The following CHRNB1 variants were observed in gnomAD, a reference collection of about 807,000 sequenced individuals.
CHRNB1 encodes acetylcholine receptor subunit beta.
CHRNB1 carries 47 observed loss-of-function variants against 53.8 expected under a neutral mutation model. The ratio of observed to expected loss-of-function variants is 0.87; its 90% CI spans 0.69 to 1.11. CHRNB1 has a LOEUF of 1.11. CHRNB1 is among the 50% of genes most tolerant of loss of function. The pLI, the probability that CHRNB1 is intolerant of heterozygous loss-of-function variation, is 0.00. For synonymous variants in CHRNB1, 259 were observed against 263.5 expected (o/e 0.98, Z 0.16); for missense variants, 605 against 654.9 (o/e 0.92, Z 0.83).
chr17:7,456,527 G>T (rs1383826647), intron 10 of CHRNB1, 56 bp from the exon 11 acceptor site: 80 of 1,610,000 alleles, frequency 5.0e-5, no homozygotes, highest in Non-Finnish European at 6.6e-5. Context: ...GAAATGGGGG[G>T]GTTTCCCTGG....
chr17:7,447,570 CG>C lies in CHRNB1; in HGVS notation c.532del (p.Glu178ArgfsTer40), dbSNP rs1344023145. 6.2e-7 allele frequency: 1 copy of C among 1,614,150 alleles called. No homozygotes were observed. The highest frequency in any genetic ancestry group is 8.5e-7 in the Non-Finnish European group (1 of 1,180,026). On this transcript the variant is annotated frameshift_variant, in exon 6 of 11. Coordinates refer to ENST00000306071, the MANE Select transcript of CHRNB1 (RefSeq NM_000747.3). LOFTEE classifies it high-confidence loss of function. The stretch of plus-strand genomic sequence containing the variant: ...TTCAGCTCCTACAGCTACGACAGCT[CG>C]GAGGTCAGCCTGCAGACAGGCCTGG... The part of the protein sequence containing the change: ...MVFSSYSYDS[S>X]EVSLQTGLGP...
Position 7,446,850 on chromosome 17 carries a change from G to T in CHRNB1, c.261G>T (p.Arg87Ser). ...TTCACTAGGAGTGGACTGACTACAGGCTGAGCTGGGACCCTGCGGAGCACG... is the reference window on the plus strand; with the variant it reads ...TTCACTAGGAGTGGACTGACTACAGTCTGAGCTGGGACCCTGCGGAGCACG... ...VYLDLEWTDY[R>S]LSWDPAEHDG... The change falls in exon 4 of 11, where the codon AGG becomes AGT. Residue 87 changes from arginine to serine, a missense_variant. Physicochemically the swap from Arg to Ser is moderately radical, Grantham distance 110 (BLOSUM62 -1). Coordinates refer to ENST00000306071, the MANE Select transcript of CHRNB1 (RefSeq NM_000747.3). 7 of 1,613,950 alleles carry T rather than the reference G, an allele frequency of 4.3e-6. No individual in the cohort carries two copies. Among genetic ancestry groups the T allele is most frequent in the Non-Finnish European group, 5.9e-6 (7 of 1,179,998 alleles).
At chr17:7,446,478 C>A in intron 3 of CHRNB1, 1 of 510,546 alleles carries the variant, frequency 2.0e-6, no homozygotes, top group South Asian at 2.1e-5. Context: ...CAGCCGTGAG[C>A]CACTGCACCT....
chr17:7,456,882 G>A lies in CHRNB1; in HGVS notation c.*159G>A, dbSNP rs1219503836. 5 of 930,052 alleles carry A rather than the reference G, an allele frequency of 5.4e-6. No individual in the cohort carries two copies. The highest frequency in any genetic ancestry group is 8.2e-6 in the Non-Finnish European group (5 of 608,924). 57.6% of individuals were successfully genotyped at this position (930,052 alleles called of 1,614,324 possible). On this transcript the variant is annotated 3_prime_UTR_variant, in exon 11 of 11. Transcript: ENST00000306071. ...CATTGGACTGAGGGCTGGGTAGGCA[G>A]GTGTCTTGGACCCACCTGAAATGCA... is the stretch of plus-strand genomic sequence containing the variant.
intron 9 of CHRNB1, 38 bp downstream of exon 9, chr17:7,455,494 G>A (rs755568370): frequency 6.2e-6 from 10 of 1,609,500 alleles, no homozygotes; most frequent in Admixed American, 3.3e-5. Context: ...GAGGGAGAGG[G>A]AGAACTACAG....
Position 7,446,067 on chromosome 17 carries a change from A to C in CHRNB1, c.199-2A>C, listed in dbSNP as rs200648690. The C allele has an allele frequency of 3.1e-6, 5 of 1,613,886 alleles. No homozygotes were observed. Among genetic ancestry groups the C allele is most frequent in the Non-Finnish European group, 2.5e-6 (3 of 1,179,826 alleles). On this transcript the variant is annotated splice_acceptor_variant, in intron 2 of 10. Coordinates refer to ENST00000306071, the MANE Select transcript of CHRNB1 (RefSeq NM_000747.3). LOFTEE classifies it high-confidence loss of function. ...TTTACGCCTTAAATTTTTCCCTTCT[A>C]GAACGAGAAGGATGAAGAGATGAGC...
chr17:7,454,502 G>A lies in CHRNB1; in HGVS notation c.1026G>A (p.Met342Ile), dbSNP rs1909001767. The A allele has an allele frequency of 6.2e-7, 1 of 1,614,016 alleles. No individual in the cohort carries two copies. The highest frequency in any genetic ancestry group is 1.7e-5 in the Admixed American group (1 of 60,008). ...ACCGCTCACCCCACACCCACCAAAT[G>A]CCCCTTTGGGTCCGTCAGGTAAGAA... is the stretch of plus-strand genomic sequence containing the variant. ...LHHRSPHTHQ[M>I]PLWVRQIFIH... Residue 342 changes from methionine to isoleucine, a missense_variant, in exon 8 of 11, where the codon ATG (methionine) becomes ATA (isoleucine). By Grantham distance (10) the Met-to-Ile change is conservative (BLOSUM62 1). Transcript: ENST00000306071.
At position 7,456,813 on chromosome 17, in the gene CHRNB1, C is replaced by A; in HGVS notation, c.*90C>A. ...CCCTATCCTTCTCTGCCTCTTAACTCCTTCACGAGGAATCTGGGCCTCTTA... is the reference window on the plus strand; with the variant it reads ...CCCTATCCTTCTCTGCCTCTTAACTACTTCACGAGGAATCTGGGCCTCTTA... On this transcript the variant is annotated 3_prime_UTR_variant, in exon 11 of 11. Coordinates refer to ENST00000306071, the MANE Select transcript of CHRNB1 (RefSeq NM_000747.3). 1 of 1,540,484 alleles carries A rather than the reference C, an allele frequency of 6.5e-7. No individual in the cohort carries two copies. Among genetic ancestry groups the A allele is most frequent in the East Asian group, 2.3e-5 (1 of 44,026 alleles).
intron 9 of CHRNB1, 85 bp downstream of exon 9, chr17:7,455,541 C>T: frequency 6.5e-7 from 1 of 1,534,672 alleles, no homozygotes; most frequent in Non-Finnish European, 9.0e-7. Flanking sequence ...GGCCCATGCT[C>T]TCGGAAGACG....
chr17:7,449,712 C>T (rs943462296), intron 7 of CHRNB1, among the ~76,000 whole-genome samples: 1 of 151,880 alleles, frequency 6.6e-6, no homozygotes, highest in Non-Finnish European at 1.5e-5. Flanking sequence ...GCTCGGCCCC[C>T]ACTAGTCCTT....
chr17:7,457,691 A>T lies in CHRNB1; in HGVS notation c.*968A>T, dbSNP rs1429657957. The stretch of plus-strand genomic sequence containing the variant: ...TGTAATGTGTACTATCTCTGGGATT[A>T]AAAAAAGTTATTTCTACAAGCATGC... On this transcript the variant is annotated 3_prime_UTR_variant, in exon 11 of 11. Coordinates refer to ENST00000306071, the MANE Select transcript of CHRNB1 (RefSeq NM_000747.3). 2 of 152,104 alleles carry T rather than the reference A, an allele frequency of 1.3e-5. No homozygotes were observed. Among genetic ancestry groups the T allele is most frequent in the East Asian group, 1.9e-4 (1 of 5,170 alleles). 9.4% of individuals were successfully genotyped at this position (152,104 alleles called of 1,614,324 possible).
At position 7,454,479 on chromosome 17, in the gene CHRNB1, C is replaced by T. The variant is rs779467380; in HGVS notation, c.1003C>T (p.Arg335Cys). 13 of 1,613,980 alleles carry T rather than the reference C, an allele frequency of 8.1e-6. No individual in the cohort carries two copies. In the Admixed American group the frequency reaches 1.3e-4, roughly 17 times the overall value. Reference sequence around the variant, plus strand: ...TGTCGTGGTTCTCAACCTGCACCACCGCTCACCCCACACCCACCAAATGCC... The same window carrying T: ...TGTCGTGGTTCTCAACCTGCACCACTGCTCACCCCACACCCACCAAATGCC... ...LSVVVLNLHH[R>C]SPHTHQMPLW... Residue 335 changes from arginine (R) to cysteine (C), a missense_variant, in exon 8 of 11, where the codon CGC becomes TGC. Transcript: ENST00000306071.
In CHRNB1 at chr17:7,445,100, G is replaced by C; in HGVS notation, c.-28G>C. 1.2e-6 allele frequency: 2 copies of C among 1,603,682 alleles called. No homozygotes were observed. Among genetic ancestry groups the C allele is most frequent in the Non-Finnish European group, 1.7e-6 (2 of 1,178,420 alleles). The stretch of plus-strand genomic sequence containing the variant: ...GCTGGCGGTCCCAGCGGCTCTCTGA[G>C]CGAAGTCACTGAGCGAGCCGCCAGG... On this transcript the variant is annotated 5_prime_UTR_variant, in exon 1 of 11. Transcript: ENST00000306071. The surrounding 1 kb of genome is among the most constrained non-coding windows in gnomAD (Gnocchi z 5.7).
At chr17:7,454,607 C>A in intron 8 of CHRNB1, 87 bp downstream of exon 8, 1 of 1,097,626 alleles carries the variant, frequency 9.1e-7, no homozygotes, top group South Asian at 1.3e-5. Flanking sequence ...GTTGAAGTGT[C>A]CAAGCTTGTT....
chr17:7,445,720 C>A lies in CHRNB1; in HGVS notation c.198+311C>A. 1 of 930,410 alleles carries A rather than the reference C, an allele frequency of 1.1e-6. No individual in the cohort carries two copies. The allele number at this position is 930,410 out of a possible 1,614,324, so 57.6% of individuals were successfully genotyped here. A position where few individuals can be genotyped will look rare whatever the true frequency, so the allele number is the denominator to read the frequency against. ...TAGGGCCACATGAGTCCTGAGTGCC[C>A]AGGGTGGGGCGGAGCTTGGTGCTCA... On this transcript the variant is annotated intron_variant, in intron 2 of 10. Coordinates refer to ENST00000306071, the MANE Select transcript of CHRNB1 (RefSeq NM_000747.3). The surrounding 1 kb of genome is among the most constrained non-coding windows in gnomAD (Gnocchi z 5.7).
chr17:7,453,784 G>A lies in CHRNB1; in HGVS notation c.821-513G>A, dbSNP rs897271141. Among the ~76,000 whole-genome samples, 2 of 151,616 alleles carry A rather than the reference G, an allele frequency of 1.3e-5. 1 individual carries two copies. Among genetic ancestry groups the A allele is most frequent in the South Asian group, 4.2e-4 (2 of 4,796 alleles). On this transcript the variant is annotated intron_variant, in intron 7 of 10. Transcript: ENST00000306071. Reference sequence around the variant, plus strand: ...TTTTTTTTTCTTTTTGTAGAGGTTGGGCAAAGTGGCTCACGCCTGTAATCC... The same window carrying A: ...TTTTTTTTTCTTTTTGTAGAGGTTGAGCAAAGTGGCTCACGCCTGTAATCC...
Position 7,456,823 on chromosome 17 carries a change from GAATCTGGGCCTCTT to G in CHRNB1, c.*102_*115del. On this transcript the variant is annotated 3_prime_UTR_variant, in exon 11 of 11. Transcript: ENST00000306071. ...CTCTGCCTCTTAACTCCTTCACGAG[GAATCTGGGCCTCTT>G]ATTTCGTTTCTGGGGACTGCATTGG... 6.6e-7 allele frequency: 1 copy of G among 1,512,024 alleles called. No individual in the cohort carries two copies. Among genetic ancestry groups the G allele is most frequent in the Non-Finnish European group, 9.1e-7 (1 of 1,100,520 alleles). 93.7% of individuals were successfully genotyped at this position (1,512,024 alleles called of 1,614,324 possible).
intron 7 of CHRNB1, among the ~76,000 whole-genome samples, chr17:7,450,007 G>C (rs1185619794): frequency 6.6e-6 from 1 of 150,848 alleles, no homozygotes. Context: ...TTGTGCCACT[G>C]AACTCCAGCC....
rs1567676648 is a variant in CHRNB1 at position 7,446,072 on chromosome 17, GAGA to G, written c.205_207del (p.Lys69del). 3 of 1,613,910 alleles carry G rather than the reference GAGA, an allele frequency of 1.9e-6. No individual in the cohort carries two copies. Among genetic ancestry groups the G allele is most frequent in the Admixed American group, 1.7e-5 (1 of 60,008 alleles). ...GCCTTAAATTTTTCCCTTCTAGAAC[GAGA>G]AGGATGAAGAGATGAGCACAAAGGT... On this transcript the variant is annotated inframe_deletion, in exon 3 of 11. Coordinates refer to ENST00000306071, the MANE Select transcript of CHRNB1 (RefSeq NM_000747.3).
Sources: allele counts gnomAD v4.1 joint callset (sites outside exome capture counted in the v4.1 genomes callset), GRCh38; gene constraint gnomAD v4.1.1; non-coding constraint Gnocchi (gnomAD v3.1); transcripts MANE v1.5; gene names NCBI Gene and HGNC (gene_info 2026-07-23, HGNC 2026-07-21).